Variants in LOX observed in about 807,000 individuals in gnomAD.
LOX encodes protein-lysine 6-oxidase.
Under a neutral mutation model 50.5 loss-of-function variants are expected in LOX, and 12 were observed. That is an observed-to-expected ratio of 0.24 (90% CI 0.15 to 0.38). The LOEUF is 0.38. LOX is among the 10% of genes least tolerant of loss of function. The pLI, the probability that LOX is intolerant of heterozygous loss-of-function variation, is 1.00. For synonymous variants in LOX, 254 were observed against 230.6 expected (o/e 1.10, Z -0.92); for missense variants, 504 against 563.8 (o/e 0.89, Z 1.07).
intron 4 of LOX, among the ~76,000 whole-genome samples, chr5:122,071,111 C>T (rs1296856402): frequency 6.6e-6 from 1 of 152,042 alleles, no homozygotes; most frequent in Admixed American, 6.6e-5. Context: ...TGCAAGTTCC[C>T]TAAGGGTAGA....
At position 122,077,206 on chromosome 5, in the gene LOX, C is replaced by T. The variant is rs1754664023; in HGVS notation, c.631+149G>A. The T allele has an allele frequency of 5.4e-6, 8 of 1,479,480 alleles. No individual in the cohort carries two copies. In the Admixed American group the frequency reaches 1.6e-4, roughly 30 times the overall value. 91.6% of individuals were successfully genotyped at this position (1,479,480 alleles called of 1,614,324 possible). A position where few individuals can be genotyped will look rare whatever the true frequency, so the allele number is the denominator to read the frequency against. On this transcript the variant is annotated intron_variant, in intron 1 of 6. Coordinates refer to ENST00000231004, the MANE Select transcript of LOX (RefSeq NM_002317.7). This position sits in a 1 kb window ranked among gnomAD's most constrained non-coding sequence, Gnocchi z 4.9. ...GGAGGGGCCAGACGCGCGGTTTGCA[C>T]TGGATTCCAGGGCTGCCACTGCAGG...
At chr5:122,067,107 C>G (rs1419468875) in intron 6 of LOX, among the ~76,000 whole-genome samples, 1 of 152,128 alleles carries the variant, frequency 6.6e-6, no homozygotes, top group Non-Finnish European at 1.5e-5. Flanking sequence ...GTCAAGGCCT[C>G]TGCTCCATCT....
rs566461481 is a variant in LOX at position 122,077,622 on chromosome 5, G to A, written c.364C>T (p.Arg122Cys). 9 of 1,611,692 alleles carry A rather than the reference G, an allele frequency of 5.6e-6. No homozygotes were observed. Among genetic ancestry groups the A allele is most frequent in the African/African-American group, 1.3e-5 (1 of 75,048 alleles). ...VTAGRPRPTARHWFQAGYSTS... is the reference protein window; with the variant it reads ...VTAGRPRPTACHWFQAGYSTS... ...GAGTAGCCAGCTTGGAACCAGTGAC[G>A]GGCGGTGGGCCTGGGGCGGCCAGCG... is the stretch of plus-strand genomic sequence containing the variant. Residue 122 changes from arginine to cysteine, a missense_variant, in exon 1 of 7, where the codon CGT becomes TGT. This residue lies in a region of LOX where 398 missense variants were observed against 365.8 expected (regional missense o/e 1.09). Transcript: ENST00000231004. The surrounding 1 kb of genome is among the most constrained non-coding windows in gnomAD (Gnocchi z 4.9).
chr5:122,070,898 T>G lies in LOX; in HGVS notation c.1036-309A>C, dbSNP rs1052784751. On this transcript the variant is annotated intron_variant, in intron 4 of 6. Coordinates refer to ENST00000231004, the MANE Select transcript of LOX (RefSeq NM_002317.7). ...TACCAAAGTTCTAGAATTTTAACAG[T>G]TCAGGAATAAAGGCCACATAATAAT... 2.1e-5 allele frequency: 4 copies of G among 194,776 alleles called. No individual in the cohort carries two copies. In the Admixed American group the frequency reaches 2.4e-4, roughly 12 times the overall value. The allele number at this position is 194,776 out of a possible 1,614,324, so 12.1% of individuals were successfully genotyped here.
chr5:122,077,061 T>C lies in LOX; in HGVS notation c.632-60A>G. ...ACAACCCGGCGCCCCCCGCTCCAAC[T>C]CCCTACCCCTCTAGGTCCCTTACTC... On this transcript the variant is annotated intron_variant, in intron 1 of 6. Coordinates refer to ENST00000231004, the MANE Select transcript of LOX (RefSeq NM_002317.7). This position sits in a 1 kb window ranked among gnomAD's most constrained non-coding sequence, Gnocchi z 4.9. 1 of 1,596,396 alleles carries C rather than the reference T, an allele frequency of 6.3e-7. No individual in the cohort carries two copies. The highest frequency in any genetic ancestry group is 1.1e-5 in the South Asian group (1 of 90,186).
intron 3 of LOX, among the ~76,000 whole-genome samples, chr5:122,075,007 T>C (rs978376885): frequency 2.0e-5 from 3 of 152,238 alleles, no homozygotes; most frequent in African/African-American, 7.2e-5. Flanking sequence ...GGATGTATCA[T>C]CTACATCTTT....
At position 122,065,621 on chromosome 5, in the gene LOX, A is replaced by T. The variant is rs1377232384; in HGVS notation, c.*1122T>A. ...TAGACTATATCTCAGACACACACAC[A>T]TGTGTGACTGATTCCTGAATAACCC... On this transcript the variant is annotated 3_prime_UTR_variant, in exon 7 of 7. Transcript: ENST00000231004. 6.6e-6 allele frequency: 1 copy of T among 152,002 alleles called. No homozygotes were observed. The highest frequency in any genetic ancestry group is 2.1e-4 in the South Asian group (1 of 4,826). 9.4% of individuals were successfully genotyped at this position (152,002 alleles called of 1,614,324 possible). A position where few individuals can be genotyped will look rare whatever the true frequency, so the allele number is the denominator to read the frequency against.
intron 6 of LOX, among the ~76,000 whole-genome samples, chr5:122,067,946 T>A (rs1246359802): frequency 2.0e-5 from 3 of 152,032 alleles, no homozygotes; most frequent in Non-Finnish European, 4.4e-5. Context: ...AAGGAAGGCC[T>A]GATGTGAAAG....
rs1754316188 is a variant in LOX at position 122,066,885 on chromosome 5, G to A, written c.1248-136C>T. The A allele has an allele frequency of 4.7e-6, 3 of 633,370 alleles. No homozygotes were observed. The East Asian group carries it at 8.0e-5, about 17-fold the overall frequency. The allele number at this position is 633,370 out of a possible 1,614,324, so 39.2% of individuals were successfully genotyped here. A position where few individuals can be genotyped will look rare whatever the true frequency, so the allele number is the denominator to read the frequency against. On this transcript the variant is annotated intron_variant, in intron 6 of 6. Transcript: ENST00000231004. ...TCCACCTAAGCAGCAATCATGTTGT[G>A]AAATTATGCAGTAGTACATCATTTT...
At chr5:122,071,115 G>A (rs1754438499) in intron 4 of LOX, among the ~76,000 whole-genome samples, 1 of 152,030 alleles carries the variant, frequency 6.6e-6, no homozygotes. Flanking sequence ...AGTTCCCTAA[G>A]GGTAGAGTTT....
chr5:122,069,080 A>G (rs914413531), intron 6 of LOX, among the ~76,000 whole-genome samples: 2 of 152,102 alleles, frequency 1.3e-5, no homozygotes, highest in African/African-American at 4.8e-5. Flanking sequence ...CACAGGCTTC[A>G]TCTATCTCTA....
At chr5:122,073,317 A>G (rs534717316) in intron 4 of LOX, among the ~76,000 whole-genome samples, 1 of 152,318 alleles carries the variant, frequency 6.6e-6, no homozygotes, top group African/African-American at 2.4e-5. Context: ...GTTCAGCACT[A>G]CTTTAAAAAA....
intron 4 of LOX, among the ~76,000 whole-genome samples, chr5:122,073,680 C>T (rs1335344705): frequency 6.6e-6 from 1 of 152,178 alleles, no homozygotes; most frequent in Non-Finnish European, 1.5e-5. Context: ...CAAGGACCCA[C>T]ACTGACCTGT....
rs1413888989 is a variant in LOX, at chr5:122,066,324, T to C, written c.*419A>G. ...CTAAATTCATCTATGCTATGACATA[T>C]ATAAACCCATTATTATTATGTTTCA... On this transcript the variant is annotated 3_prime_UTR_variant, in exon 7 of 7. Transcript: ENST00000231004. The C allele has an allele frequency of 5.9e-6, 1 of 169,798 alleles. No individual in the cohort carries two copies. The highest frequency in any genetic ancestry group is 1.3e-5 in the Non-Finnish European group (1 of 78,696). 10.5% of individuals were successfully genotyped at this position (169,798 alleles called of 1,614,324 possible). A position where few individuals can be genotyped will look rare whatever the true frequency, so the allele number is the denominator to read the frequency against.
At position 122,077,262 on chromosome 5, in the gene LOX, C is replaced by T. The variant is rs1177199631; in HGVS notation, c.631+93G>A. 6.4e-7 allele frequency: 1 copy of T among 1,561,640 alleles called. No individual in the cohort carries two copies. Among genetic ancestry groups the T allele is most frequent in the East Asian group, 2.3e-5 (1 of 43,110 alleles). On this transcript the variant is annotated intron_variant, in intron 1 of 6. Coordinates refer to ENST00000231004, the MANE Select transcript of LOX (RefSeq NM_002317.7). This position sits in a 1 kb window ranked among gnomAD's most constrained non-coding sequence, Gnocchi z 4.9. The stretch of plus-strand genomic sequence containing the variant: ...GGGGGAGGGATCGGATCTGCGAGGA[C>T]CGGGGCCCGCCGCGCCCAGGCAGCC...
chr5:122,069,884 C>G (rs1423336178), intron 6 of LOX, 169 bp downstream of exon 6: 1 of 661,492 alleles, frequency 1.5e-6, no homozygotes, highest in Non-Finnish European at 2.8e-6. Flanking sequence ...TCTCCTTTGC[C>G]TTCCATTATT....
At chr5:122,076,094 C>G (rs191948568) in intron 2 of LOX, 1 of 152,246 alleles carries the variant, frequency 6.6e-6, no homozygotes, top group Non-Finnish European at 1.5e-5. Context: ...ATAGGGAGTT[C>G]AATGGTGTGA....
intron 6 of LOX, among the ~76,000 whole-genome samples, chr5:122,067,628 A>G (rs1337249569): frequency 6.6e-6 from 1 of 152,068 alleles, no homozygotes; most frequent in African/African-American, 2.4e-5. Context: ...CTCCAGAATA[A>G]ATTTTAGCCT....
chr5:122,070,866 AG>A, intron 4 of LOX: 1 of 235,682 alleles, frequency 4.2e-6, no homozygotes, highest in Non-Finnish European at 8.1e-6. Flanking sequence ...GGAACAAAAT[AG>A]GCCTCTACCA....
Sources: allele counts gnomAD v4.1 joint callset (sites outside exome capture counted in the v4.1 genomes callset), GRCh38; gene constraint gnomAD v4.1.1; regional missense constraint gnomAD v4.1.1; non-coding constraint Gnocchi (gnomAD v3.1); transcripts MANE v1.5; gene names NCBI Gene and HGNC (gene_info 2026-07-23, HGNC 2026-07-21).